The following TP53TG3D variants were observed in gnomAD, a reference collection of about 807,000 sequenced individuals.
TP53TG3D encodes the protein TP53 target 3D.
For synonymous variants in TP53TG3D, 2 were observed against 56.9 expected (o/e 0.04, Z 4.34); for missense variants, 4 against 139.9 (o/e 0.03, Z 4.90).
rs772482502 is a variant in TP53TG3D at position 32,254,953 on chromosome 16, C to T, written c.*50C>T. 85 of 1,464,844 alleles carry T rather than the reference C, an allele frequency of 5.8e-5. 2 individuals are homozygous for T. The highest frequency in any genetic ancestry group is 4.7e-4 in the Middle Eastern group (2 of 4,214). The allele number at this position is 1,464,844 out of a possible 1,614,324, so 90.7% of individuals were successfully genotyped here. ...AAACTGATAGACACTGCCTCAGCTC[C>T]GTGCAGGGCAGACGCACAAGAGCAG... On this transcript the variant is annotated 3_prime_UTR_variant, in exon 2 of 2. Transcript: ENST00000398664.
At position 32,254,738 on chromosome 16, in the gene TP53TG3D, G is replaced by A. The variant is rs1962181241; in HGVS notation, c.363-153G>A. On this transcript the variant is annotated intron_variant, in intron 1 of 1. Coordinates refer to ENST00000398664, the Ensembl canonical transcript of TP53TG3D. ...CTCCCAACACATGAGGGTAGTTTGT[G>A]TGGTGAGGTCAGGGATAGTGTCTGC... The A allele has an allele frequency of 2.6e-6, 4 of 1,514,378 alleles. No individual in the cohort carries two copies. In the African/African-American group the frequency reaches 4.3e-5, roughly 16 times the overall value. 93.8% of individuals were successfully genotyped at this position (1,514,378 alleles called of 1,614,324 possible). A position where few individuals can be genotyped will look rare whatever the true frequency, so the allele number is the denominator to read the frequency against.
At chr16:32,255,072 T>G (rs1962192850) in exon 2 of TP53TG3D, 2 of 1,431,304 alleles carry the variant, frequency 1.4e-6, no homozygotes, top group African/African-American at 1.4e-5. Flanking sequence ...AATGGAACAT[T>G]TAAGACAAGT....
At chr16:32,255,558 A>ACTT (rs1164714575) in exon 2 of TP53TG3D, 2 of 52,618 alleles carry the variant, frequency 3.8e-5, no homozygotes, top group African/African-American at 1.5e-4. Context: ...TTTTCTTTAA[A>ACTT]CTTTTTTTTT....
chr16:32,255,559 C>CT (rs1282017346), exon 2 of TP53TG3D: 6 of 57,646 alleles, frequency 1.0e-4, no homozygotes, highest in African/African-American at 2.0e-4. Context: ...TTTCTTTAAA[C>CT]TTTTTTTTTT....
rs1221178079 is a variant in TP53TG3D at position 32,254,903 on chromosome 16, A to C, written c.375A>C (p.Ter125TyrextTer48). Reference sequence around the variant, plus strand: ...TGTTTCCATTAAGTTTTTCAGGTTAAGTACTGCACGACTACTCGCTTCTGA... The same window carrying C: ...TGTTTCCATTAAGTTTTTCAGGTTACGTACTGCACGACTACTCGCTTCTGA... Residue 125 changes from the stop codon to tyrosine (Y), a stop_lost, in exon 2 of 2, where the codon TAA (stop) becomes TAC (tyrosine). Coordinates refer to ENST00000398664, the Ensembl canonical transcript of TP53TG3D. The C allele has an allele frequency of 2.5e-6, 4 of 1,599,240 alleles. No homozygotes were observed. In the African/African-American group the frequency reaches 5.4e-5, roughly 22 times the overall value.
chr16:32,255,135 T>C (rs1489734947), exon 2 of TP53TG3D: 4 of 826,988 alleles, frequency 4.8e-6, no homozygotes, highest in South Asian at 3.6e-5. Context: ...CGTCAGACTT[T>C]CTCCAAGACA....
intron 1 of TP53TG3D, 38 bp from the exon 2 acceptor site, chr16:32,254,853 A>G (rs771439939): frequency 1.8e-5 from 28 of 1,591,172 alleles, no homozygotes; most frequent in East Asian, 2.3e-5. Flanking sequence ...TGATAGAACT[A>G]AACAGTGATC....
exon 2 of TP53TG3D, chr16:32,254,931 CTGA>C: frequency 6.3e-7 from 1 of 1,575,300 alleles, no homozygotes; most frequent in Non-Finnish European, 8.7e-7. Context: ...GCTTCTGAAA[CTGA>C]TAGACACTGC....
exon 2 of TP53TG3D, chr16:32,254,913 G>A (rs761703249): frequency 9.4e-6 from 15 of 1,595,640 alleles, no homozygotes; most frequent in East Asian, 4.5e-5. Flanking sequence ...AGTACTGCAC[G>A]ACTACTCGCT....
chr16:32,254,215 GC>G, intron 1 of TP53TG3D: 1 of 599,906 alleles, frequency 1.7e-6, no homozygotes, highest in South Asian at 1.8e-5. Context: ...GCGCAGTGCA[GC>G]CCGTCCCTAG....
rs1224919158 is a variant in TP53TG3D, at chr16:32,254,671, G to A, written c.363-220G>A. ...GGGTCTTAGTGTGGACCTCCGGGCCGTGATTAATGCAGGTCAGCAGGACCA... is the reference window on the plus strand; with the variant it reads ...GGGTCTTAGTGTGGACCTCCGGGCCATGATTAATGCAGGTCAGCAGGACCA... On this transcript the variant is annotated intron_variant, in intron 1 of 1. Transcript: ENST00000398664. The A allele has an allele frequency of 2.6e-5, 37 of 1,447,222 alleles. 2 individuals are homozygous for A. In the Admixed American group the frequency reaches 3.8e-4, roughly 15 times the overall value. 89.6% of individuals were successfully genotyped at this position (1,447,222 alleles called of 1,614,324 possible).
chr16:32,254,711 C>T (rs1317644253), intron 1 of TP53TG3D, 180 bp from the exon 2 acceptor site: 12 of 1,464,656 alleles, frequency 8.2e-6, no homozygotes, highest in Non-Finnish European at 1.1e-5. Flanking sequence ...GCCCCTTGGT[C>T]CCTCCCAACA....
chr16:32,254,897 A>G, exon 2 of TP53TG3D: 1 of 1,599,002 alleles, frequency 6.3e-7, no homozygotes, highest in South Asian at 1.1e-5. Context: ...TAAGTTTTTC[A>G]GGTTAAGTAC....
At chr16:32,254,690 A>G in intron 1 of TP53TG3D, 1 of 1,453,508 alleles carries the variant, frequency 6.9e-7, no homozygotes, top group Non-Finnish European at 9.1e-7. Context: ...GCAGGTCAGC[A>G]GGACCAGAGC....
intron 1 of TP53TG3D, 93 bp from the exon 2 acceptor site, chr16:32,254,798 A>C (rs1596739926): frequency 6.2e-7 from 1 of 1,607,774 alleles, no homozygotes; most frequent in East Asian, 2.2e-5. Flanking sequence ...TTGGAAAATA[A>C]TATCTCTTTT....
intron 1 of TP53TG3D, chr16:32,254,679 T>C (rs1185132640): frequency 6.9e-7 from 1 of 1,451,274 alleles, no homozygotes; most frequent in Non-Finnish European, 9.1e-7. Context: ...CCGTGATTAA[T>C]GCAGGTCAGC....
At chr16:32,254,746 G>A (rs1362649004) in intron 1 of TP53TG3D, 145 bp from the exon 2 acceptor site, 1 of 1,539,182 alleles carries the variant, frequency 6.5e-7, no homozygotes, top group East Asian at 2.5e-5. Flanking sequence ...GTGTGGTGAG[G>A]TCAGGGATAG....
exon 2 of TP53TG3D, chr16:32,255,190 A>T (rs1344926411): frequency 3.5e-6 from 2 of 567,864 alleles, no homozygotes; most frequent in East Asian, 6.7e-5. Flanking sequence ...AGTAAAAATG[A>T]TAAATCATAT....
exon 2 of TP53TG3D, chr16:32,255,388 G>A (rs1567304631): frequency 4.4e-6 from 1 of 228,364 alleles, no homozygotes; most frequent in Non-Finnish European, 8.5e-6. Context: ...TAATTCTTCT[G>A]TCTCTCTCCT....
Sources: allele counts gnomAD v4.1 joint callset, GRCh38; gene constraint gnomAD v4.1.1; transcripts MANE v1.5; gene names NCBI Gene and HGNC (gene_info 2026-07-23, HGNC 2026-07-21).